Variants in SLC9A9 observed in about 807,000 individuals in gnomAD.
SLC9A9 encodes solute carrier family 9 member A9, also known as sodium/hydrogen exchanger 9.
In SLC9A9, 62 loss-of-function variants were observed where a neutral mutation model predicts 77.8. That is an observed-to-expected ratio of 0.80 (90% CI 0.65 to 0.98). The LOEUF (loss-of-function observed/expected upper bound fraction) is 0.98. Ranked by LOEUF, SLC9A9 falls within the 50% of genes least tolerant of loss-of-function variation. The pLI is 0.00. For missense variants in SLC9A9, 775 were observed against 774.9 expected (o/e 1.00, Z 0.00); for synonymous variants, 320 against 283.5 (o/e 1.13, Z -1.29).
intron 6 of SLC9A9, among the ~76,000 whole-genome samples, chr3:143,634,181 A>G (rs1371599633): frequency 2.0e-5 from 3 of 149,854 alleles, no homozygotes; most frequent in African/African-American, 7.6e-5. Flanking sequence ...TTTTCAGATT[A>G]TCTTATGCTG....
intron 4 of SLC9A9, among the ~76,000 whole-genome samples, chr3:143,790,835 G>A (rs2008196675): frequency 2.0e-5 from 3 of 152,300 alleles, no homozygotes; most frequent in South Asian, 4.2e-4. Context: ...ATCATTCAAT[G>A]TCCCTTTCTT....
At chr3:143,627,681 C>A in intron 6 of SLC9A9, 1 of 168,300 alleles carries the variant, frequency 5.9e-6, no homozygotes, top group Non-Finnish European at 1.3e-5. Flanking sequence ...AAACCCAACA[C>A]CAGTTGAGAA....
At chr3:143,373,207 C>T (rs896882274) in intron 13 of SLC9A9, among the ~76,000 whole-genome samples, 1 of 152,036 alleles carries the variant, frequency 6.6e-6, no homozygotes, top group African/African-American at 2.4e-5. Context: ...ACCTAAGTGC[C>T]CACTGGCCAA....
chr3:143,429,227 G>T (rs957683934), intron 12 of SLC9A9, among the ~76,000 whole-genome samples: 18 of 152,232 alleles, frequency 1.2e-4, no homozygotes, highest in Non-Finnish European at 2.5e-4. Context: ...TAGAGTAGAT[G>T]AGAGCACTTG....
At chr3:143,357,578 G>A (rs532175210) in intron 14 of SLC9A9, among the ~76,000 whole-genome samples, 15 of 152,050 alleles carry the variant, frequency 9.9e-5, no homozygotes, top group Non-Finnish European at 1.8e-4. Flanking sequence ...TATGAAAATG[G>A]CATCACACTT....
chr3:143,605,774 G>A (rs989516013), intron 6 of SLC9A9, among the ~76,000 whole-genome samples: 5 of 152,164 alleles, frequency 3.3e-5, no homozygotes, highest in Non-Finnish European at 7.3e-5. Flanking sequence ...AGTGCTGACA[G>A]GTGTATAGAA....
At position 143,503,787 on chromosome 3, in the gene SLC9A9, G is replaced by T. The variant is rs1478205220; in HGVS notation, c.1090-8339C>A. On this transcript the variant is annotated intron_variant, in intron 9 of 15. Coordinates refer to ENST00000316549, the MANE Select transcript of SLC9A9 (RefSeq NM_173653.4). Reference sequence around the variant, plus strand: ...TATAATGCTAAAGTTGTCATGGATGGCCTTGGCTGGGAGGCTAAGCAGTTG... The same window carrying T: ...TATAATGCTAAAGTTGTCATGGATGTCCTTGGCTGGGAGGCTAAGCAGTTG... 2.1e-5 allele frequency: 7 copies of T among 339,268 alleles called. No individual in the cohort carries two copies. In the Admixed American group the frequency reaches 2.7e-4, roughly 13 times the overall value. The allele number at this position is 339,268 out of a possible 1,614,324, so 21.0% of individuals were successfully genotyped here.
At chr3:143,693,392 T>A in intron 4 of SLC9A9, 85 bp from the exon 5 acceptor site, 1 of 1,091,738 alleles carries the variant, frequency 9.2e-7, no homozygotes, top group South Asian at 1.3e-5. Flanking sequence ...GCTAATGTTT[T>A]TCCTGAATAC....
intron 14 of SLC9A9, among the ~76,000 whole-genome samples, chr3:143,289,402 A>C (rs1938472547): frequency 6.6e-6 from 1 of 152,260 alleles, no homozygotes; most frequent in East Asian, 1.9e-4. Context: ...CCAGCCCTGA[A>C]GCTCTGGCGA....
intron 9 of SLC9A9, among the ~76,000 whole-genome samples, chr3:143,522,073 G>A (rs1055015160): frequency 6.6e-6 from 1 of 152,024 alleles, no homozygotes; most frequent in African/African-American, 2.4e-5. Flanking sequence ...TCCAACCTAA[G>A]ATTCTGTTTG....
intron 9 of SLC9A9, among the ~76,000 whole-genome samples, chr3:143,536,755 T>C (rs1157668921): frequency 6.6e-6 from 1 of 152,232 alleles, no homozygotes; most frequent in Non-Finnish European, 1.5e-5. Flanking sequence ...CAAATCTTGA[T>C]AGTTCTAAGT....
At chr3:143,389,968 C>G (rs912726530) in intron 12 of SLC9A9, among the ~76,000 whole-genome samples, 1 of 152,250 alleles carries the variant, frequency 6.6e-6, no homozygotes, top group South Asian at 2.1e-4. Flanking sequence ...AGCTGGGATG[C>G]TGCTGAGAGC....
At chr3:143,636,355 T>A (rs1026417560) in intron 6 of SLC9A9, among the ~76,000 whole-genome samples, 2 of 152,234 alleles carry the variant, frequency 1.3e-5, no homozygotes, top group African/African-American at 4.8e-5. Flanking sequence ...ATCATCTGTC[T>A]AGCCAGATTT....
chr3:143,481,468 G>C (rs1684246277), intron 11 of SLC9A9, among the ~76,000 whole-genome samples: 1 of 152,174 alleles, frequency 6.6e-6, no homozygotes, highest in African/African-American at 2.4e-5. Context: ...TCAATAACTA[G>C]ATAAGCAGCA....
At chr3:143,333,806 T>C (rs761055516) in intron 14 of SLC9A9, among the ~76,000 whole-genome samples, 2 of 152,268 alleles carry the variant, frequency 1.3e-5, no homozygotes, top group Admixed American at 6.5e-5. Flanking sequence ...CAAAATCTTA[T>C]GCATTATGTT....
rs116136181 is a variant in SLC9A9 at position 143,719,970 on chromosome 3, A to G, written c.534-26663T>C. Among the ~76,000 whole-genome samples the G allele has an allele frequency of 6.0e-3, 911 of 152,226 alleles. 13 individuals carry two copies. The highest frequency in any genetic ancestry group is 0.021 in the African/African-American group (859 of 41,558). On this transcript the variant is annotated intron_variant, in intron 4 of 15. Transcript: ENST00000316549. ...CCCACTATTGAGTAAATGCCCAATC[A>G]TTATTCAATTTATATAATAAATTTA...
intron 12 of SLC9A9, among the ~76,000 whole-genome samples, chr3:143,383,085 A>G (rs1247634279): frequency 9.2e-5 from 14 of 152,220 alleles, no homozygotes; most frequent in Non-Finnish European, 1.9e-4. Flanking sequence ...ATGCTTTGCC[A>G]TTGAATATAT....
Position 143,382,027 on chromosome 3 carries a change from T to C in SLC9A9, c.1524+33A>G, listed in dbSNP as rs200573363. The stretch of plus-strand genomic sequence containing the variant: ...GCCTATGGAACAGAACAATCATATC[T>C]CTATATAATGTGCATTGGTTTCTTT... On this transcript the variant is annotated intron_variant, in intron 13 of 15. Transcript: ENST00000316549. 2.9e-5 allele frequency: 47 copies of C among 1,612,436 alleles called. No individual in the cohort carries two copies. The Middle Eastern group carries it at 6.6e-4, about 23-fold the overall frequency.
chr3:143,691,557 G>T (rs185741200), intron 5 of SLC9A9, among the ~76,000 whole-genome samples: 1 of 152,088 alleles, frequency 6.6e-6, no homozygotes, highest in Non-Finnish European at 1.5e-5. Flanking sequence ...TGTAATTGTT[G>T]ATGAACATTG....
Sources: gnomAD v4.1 joint callset for allele counts (sites outside exome capture counted in the v4.1 genomes callset) on GRCh38, gnomAD v4.1.1 for gene constraint, MANE v1.5 for transcripts, NCBI Gene and HGNC (gene_info 2026-07-23, HGNC 2026-07-21) for gene names.